Variants in DNAH3 observed in about 807,000 individuals in gnomAD.
DNAH3 encodes the protein axonemal beta dynein heavy chain 3.
DNAH3 carries 332 observed loss-of-function variants against 432.5 expected under a neutral mutation model. The ratio of observed to expected loss-of-function variants is 0.77; its 90% CI spans 0.70 to 0.84. The LOEUF (loss-of-function observed/expected upper bound fraction) is 0.84, where lower values mean the gene tolerates loss of function less well. Ranked by LOEUF, DNAH3 falls within the 40% of genes least tolerant of loss-of-function variation. DNAH3 has a pLI of 0.00. For missense variants in DNAH3, 4,861 were observed against 5,114.0 expected (o/e 0.95, Z 1.51); for synonymous variants, 1,956 against 1,900.2 (o/e 1.03, Z -0.76).
At chr16:21,105,720 T>G (rs531489950) in intron 15 of DNAH3, among the ~76,000 whole-genome samples, 1 of 151,758 alleles carries the variant, frequency 6.6e-6, no homozygotes, top group South Asian at 2.1e-4. Context: ...GAGCCGAGGG[T>G]GGCACTGCAC....
intron 18 of DNAH3, among the ~76,000 whole-genome samples, chr16:21,092,433 A>C (rs1433726750): frequency 6.6e-6 from 1 of 152,058 alleles, no homozygotes; most frequent in Non-Finnish European, 1.5e-5. Flanking sequence ...ACAAAAAAAG[A>C]ATCTAGACAC....
chr16:21,062,807 A>G (rs2090409125), intron 24 of DNAH3, 124 bp from the exon 25 acceptor site: 3 of 690,750 alleles, frequency 4.3e-6, no homozygotes, highest in Admixed American at 2.9e-5. Flanking sequence ...CGGTCTTCAC[A>G]AAGGCCCACT....
chr16:20,939,910 C>T (rs886190526), intron 59 of DNAH3, among the ~76,000 whole-genome samples: 1 of 152,320 alleles, frequency 6.6e-6, no homozygotes, highest in Admixed American at 6.5e-5. Flanking sequence ...TTTGATAACC[C>T]TTTCAGTTTT....
intron 16 of DNAH3, among the ~76,000 whole-genome samples, chr16:21,103,240 C>A (rs759322786): frequency 6.6e-6 from 1 of 150,824 alleles, no homozygotes; most frequent in Admixed American, 6.7e-5. Flanking sequence ...GATGGGTGCA[C>A]CAAAATCTCA....
At chr16:20,988,113 T>C (rs749975025) in intron 44 of DNAH3, 48 bp from the exon 45 acceptor site, 6 of 1,607,678 alleles carry the variant, frequency 3.7e-6, no homozygotes, top group African/African-American at 1.3e-5. Context: ...ACACATATTC[T>C]CACACTGTCT....
chr16:20,983,186 C>T (rs759787318), intron 48 of DNAH3, among the ~76,000 whole-genome samples: 7 of 152,144 alleles, frequency 4.6e-5, no homozygotes, highest in African/African-American at 1.2e-4. Context: ...AGTGCAGTGG[C>T]GCAATCTCGG....
In DNAH3 at chr16:21,075,437, T is replaced by C. The variant is rs375018901; in HGVS notation, c.3084+10A>G. On this transcript the variant is annotated intron_variant, in intron 21 of 61. Transcript: ENST00000261383. ...CTTTCAAAAGGGGCTGCGGTTGCAGTGAGACTCACAGTGTCCCTGTATTTC... is the reference window on the plus strand; with the variant it reads ...CTTTCAAAAGGGGCTGCGGTTGCAGCGAGACTCACAGTGTCCCTGTATTTC... The C allele has an allele frequency of 6.3e-7, 1 of 1,593,438 alleles. No individual in the cohort carries two copies. Among genetic ancestry groups the C allele is most frequent in the Non-Finnish European group, 8.6e-7 (1 of 1,161,122 alleles).
At chr16:21,145,041 G>A (rs572975731) in intron 3 of DNAH3, 140 bp downstream of exon 4, 277 of 677,750 alleles carry the variant, frequency 4.1e-4, no homozygotes, top group Non-Finnish European at 6.3e-4. Flanking sequence ...GAATCCGGGA[G>A]GCGGAGGTTG....
At chr16:21,002,999 G>T in intron 42 of DNAH3, 105 bp downstream of exon 42, 2 of 775,354 alleles carry the variant, frequency 2.6e-6, no homozygotes, top group Non-Finnish European at 4.4e-6. Context: ...TTTTTCTAAA[G>T]AAAGCCCTTA....
At chr16:21,073,148 T>C (rs144464934) in intron 21 of DNAH3, among the ~76,000 whole-genome samples, 307 of 152,332 alleles carry the variant, frequency 2.0e-3, no homozygotes, top group African/African-American at 7.1e-3. Flanking sequence ...CTTTCAAGTC[T>C]AATCTAGGAG....
chr16:21,130,091 G>GAAAAAAAAAAAAAAAAAAAAAAAATAA (rs58706051), intron 7 of DNAH3: 1 of 79,150 alleles, frequency 1.3e-5, no homozygotes, highest in African/African-American at 4.6e-5. Context: ...CTAAATAAAT[G>GAAAAAAAAAAAAAAAAAAAAAAAATAA]AAAAAAAAAA....
chr16:21,055,741 G>A (rs917579574), intron 27 of DNAH3, among the ~76,000 whole-genome samples: 2 of 142,016 alleles, frequency 1.4e-5, no homozygotes, highest in Non-Finnish European at 3.0e-5. Context: ...TGTGTCAAAT[G>A]CAGATTTTTT....
chr16:21,134,183 G>T, intron 7 of DNAH3, 76 bp downstream of exon 8: 1 of 1,431,120 alleles, frequency 7.0e-7, no homozygotes, highest in Non-Finnish European at 9.5e-7. Context: ...CCCCCACTGT[G>T]CACAGCAGAA....
At chr16:21,073,190 T>C (rs775510830) in intron 21 of DNAH3, among the ~76,000 whole-genome samples, 2 of 152,200 alleles carry the variant, frequency 1.3e-5, no homozygotes, top group African/African-American at 2.4e-5. Flanking sequence ...TATTCTCTTA[T>C]CTATGTTTTA....
rs1309133788 is a variant in DNAH3 at position 21,136,240 on chromosome 16, C to T, written c.886+84G>A. 2.2e-6 allele frequency: 3 copies of T among 1,346,488 alleles called. No homozygotes were observed. The East Asian group carries it at 6.9e-5, about 31-fold the overall frequency. The allele number at this position is 1,346,488 out of a possible 1,614,324, so 83.4% of individuals were successfully genotyped here. A position where few individuals can be genotyped will look rare whatever the true frequency, so the allele number is the denominator to read the frequency against. ...ACCAGCCTGAGCAACAAAGCAAGAC[C>T]TTGTCTCTACAAAAATAAAAATAAA... On this transcript the variant is annotated intron_variant, in intron 6 of 61. Transcript: ENST00000261383.
intron 11 of DNAH3, among the ~76,000 whole-genome samples, chr16:21,120,114 T>G (rs2092303937): frequency 6.7e-6 from 1 of 149,182 alleles, no homozygotes; most frequent in Non-Finnish European, 1.5e-5. Context: ...ACTTTTTTTT[T>G]TTTTTTTTTG....
intron 36 of DNAH3, 105 bp from the exon 37 acceptor site, chr16:21,031,391 C>A: frequency 7.1e-7 from 1 of 1,400,262 alleles, no homozygotes; most frequent in Non-Finnish European, 9.7e-7. Flanking sequence ...ATAAATATGC[C>A]ATATGAGGGA....
At chr16:20,969,639 G>C (rs1175938212) in intron 52 of DNAH3, among the ~76,000 whole-genome samples, 153 bp downstream of exon 52, 1 of 151,822 alleles carries the variant, frequency 6.6e-6, no homozygotes, top group African/African-American at 2.4e-5. Flanking sequence ...GAGGCCTTGG[G>C]TGCACACACA....
In DNAH3 at chr16:20,935,928, A is replaced by G. The variant is rs368323349; in HGVS notation, c.11860-443T>C. Among the ~76,000 whole-genome samples the G allele has an allele frequency of 8.0e-4, 121 of 151,906 alleles. 1 individual carries two copies. Among genetic ancestry groups the G allele is most frequent in the Non-Finnish European group, 1.4e-3 (94 of 68,002 alleles). On this transcript the variant is annotated intron_variant, in intron 60 of 61. Transcript: ENST00000261383. ...GGGACTGTAGCAGTGGAGAATATGT[A>G]CCTTGTCTAAACTGAGCAGCTGCCA... is the stretch of plus-strand genomic sequence containing the variant.
Sources: allele counts gnomAD v4.1 joint callset (sites outside exome capture counted in the v4.1 genomes callset), GRCh38; gene constraint gnomAD v4.1.1; transcripts MANE v1.5; gene names NCBI Gene and HGNC (gene_info 2026-07-23, HGNC 2026-07-21).